RAPH1: variants seen among roughly 807,000 people sequenced by gnomAD.
RAPH1 encodes Ras association (RalGDS/AF-6) and pleckstrin homology domains 1.
Under a neutral mutation model 88.1 loss-of-function variants are expected in RAPH1, and 18 were observed. That is an observed-to-expected ratio of 0.20 (90% CI 0.14 to 0.30). The LOEUF (loss-of-function observed/expected upper bound fraction) is 0.30, where lower values mean the gene tolerates loss of function less well. RAPH1 is among the 10% of genes least tolerant of loss of function. RAPH1 has a pLI of 1.00. For synonymous variants in RAPH1, 587 were observed against 559.0 expected (o/e 1.05, Z -0.71); for missense variants, 1,448 against 1,543.2 (o/e 0.94, Z 1.03).
chr2:203,458,954 G>C (rs1296050593), intron 7 of RAPH1, among the ~76,000 whole-genome samples: 1 of 152,070 alleles, frequency 6.6e-6, no homozygotes, highest in Non-Finnish European at 1.5e-5. Context: ...AGTAGAGACA[G>C]GGTTTCACCG....
At chr2:203,508,757 A>G (rs1383614530) in intron 1 of RAPH1, among the ~76,000 whole-genome samples, 1 of 152,212 alleles carries the variant, frequency 6.6e-6, no homozygotes, top group Non-Finnish European at 1.5e-5. Flanking sequence ...AGCTATAATT[A>G]GGAAAACAGT....
intron 13 of RAPH1, 42 bp downstream of exon 13, chr2:203,444,826 A>C: frequency 6.3e-7 from 1 of 1,593,726 alleles, no homozygotes; most frequent in Non-Finnish European, 8.6e-7. Flanking sequence ...ACCCAAAAGA[A>C]TACCACAGAA....
At chr2:203,449,441 C>T (rs2098512901) in intron 10 of RAPH1, among the ~76,000 whole-genome samples, 1 of 152,204 alleles carries the variant, frequency 6.6e-6, no homozygotes, top group Non-Finnish European at 1.5e-5. Flanking sequence ...TAGATGTCAA[C>T]AGCATCTTCA....
chr2:203,477,298 A>G, intron 4 of RAPH1: 1 of 644,016 alleles, frequency 1.6e-6, no homozygotes, highest in Non-Finnish European at 2.8e-6. Flanking sequence ...GTTGCATGCA[A>G]TTACCTTTCA....
At chr2:203,510,912 A>C (rs1267041688) in intron 1 of RAPH1, among the ~76,000 whole-genome samples, 2 of 152,160 alleles carry the variant, frequency 1.3e-5, no homozygotes, top group Non-Finnish European at 2.9e-5. Flanking sequence ...ATAAATTTAA[A>C]AAAAGAGTAA....
intron 4 of RAPH1, among the ~76,000 whole-genome samples, chr2:203,485,230 C>G (rs1032186614): frequency 6.6e-6 from 1 of 151,940 alleles, no homozygotes; most frequent in South Asian, 2.1e-4. Context: ...ATGGCGAAAC[C>G]CTGTCTCCAC....
chr2:203,492,599 G>C (rs1370806102), intron 2 of RAPH1, among the ~76,000 whole-genome samples: 1 of 151,960 alleles, frequency 6.6e-6, no homozygotes, highest in Admixed American at 6.5e-5. Context: ...CTAGAGCAAG[G>C]AAAAAAGATA....
In RAPH1 at chr2:203,434,607, A is replaced by G. The variant is rs1335368235; in HGVS notation, c.*4830T>C. Reference sequence around the variant, plus strand: ...AGTAGGAGGTGGGGAAATAATATGAAAAACGGCAGTTTTTGGTATTAGGTT... The same window carrying G: ...AGTAGGAGGTGGGGAAATAATATGAGAAACGGCAGTTTTTGGTATTAGGTT... On this transcript the variant is annotated 3_prime_UTR_variant, in exon 14 of 14. Coordinates refer to ENST00000319170, the MANE Select transcript of RAPH1 (RefSeq NM_213589.3). 6.6e-6 allele frequency: 1 copy of G among 152,556 alleles called. No homozygotes were observed. The highest frequency in any genetic ancestry group is 1.5e-5 in the Non-Finnish European group (1 of 68,012). 9.5% of individuals were successfully genotyped at this position (152,556 alleles called of 1,614,324 possible).
chr2:203,453,472 A>T (rs2098516452), intron 10 of RAPH1, among the ~76,000 whole-genome samples: 1 of 139,720 alleles, frequency 7.2e-6, no homozygotes, highest in Non-Finnish European at 1.5e-5. Flanking sequence ...CTGGAGCCTG[A>T]GAAGTCGAGG....
rs2098502363 is a variant in RAPH1, at chr2:203,440,345, TAGG to T, written c.2842_2844del (p.Pro948del). 6.2e-7 allele frequency: 1 copy of T among 1,608,724 alleles called. No individual in the cohort carries two copies. Among genetic ancestry groups the T allele is most frequent in the Non-Finnish European group, 8.5e-7 (1 of 1,177,566 alleles). Reference sequence around the variant, plus strand: ...CCTGGAGATCCACTTTTGTCAGGGGTAGGAGAAGCTGTGGGTGGAGGTGGTGGT... The same window carrying T: ...CCTGGAGATCCACTTTTGTCAGGGGTAGAAGCTGTGGGTGGAGGTGGTGGT... On this transcript the variant is annotated inframe_deletion, in exon 14 of 14. Coordinates refer to ENST00000319170, the MANE Select transcript of RAPH1 (RefSeq NM_213589.3).
intron 1 of RAPH1, among the ~76,000 whole-genome samples, chr2:203,506,824 ATATATATCTATATCTATATATCTATC>A (rs1559494605): frequency 5.1e-5 from 3 of 58,712 alleles, no homozygotes; most frequent in African/African-American, 1.6e-4. Context: ...ATATATCTAT[ATATATATCTATATCTATATATCTATC>A]TATATCTATA....
Position 203,434,365 on chromosome 2 carries a change from A to AG in RAPH1, c.*5071dup, listed in dbSNP as rs1365592089. The AG allele has an allele frequency of 6.6e-6, 1 of 152,574 alleles. No individual in the cohort carries two copies. Among genetic ancestry groups the AG allele is most frequent in the Non-Finnish European group, 1.5e-5 (1 of 68,026 alleles). The allele number at this position is 152,574 out of a possible 1,614,324, so 9.5% of individuals were successfully genotyped here. ...CTCTTGTTTTTTAAAGAACTGAGGG[A>AG]GGGAGCAATCCCAGTTAAATATAAT... On this transcript the variant is annotated 3_prime_UTR_variant, in exon 14 of 14. Transcript: ENST00000319170.
intron 4 of RAPH1, among the ~76,000 whole-genome samples, chr2:203,476,890 T>C (rs1687479998): frequency 6.6e-6 from 1 of 152,242 alleles, no homozygotes; most frequent in African/African-American, 2.4e-5. Flanking sequence ...TACATAATCA[T>C]ACCAGGAGTA....
chr2:203,524,879 T>TA (rs536272465), intron 1 of RAPH1, among the ~76,000 whole-genome samples: 27 of 152,234 alleles, frequency 1.8e-4, no homozygotes, highest in Admixed American at 5.2e-4. Flanking sequence ...AGTAAGGCAA[T>TA]AAAAAATTTT....
chr2:203,522,455 A>C (rs958420329), intron 1 of RAPH1, among the ~76,000 whole-genome samples: 1 of 152,250 alleles, frequency 6.6e-6, no homozygotes, highest in Non-Finnish European at 1.5e-5. Context: ...ATAGATTAGA[A>C]GATGCAATAT....
chr2:203,498,514 G>T (rs1018234435), intron 1 of RAPH1, among the ~76,000 whole-genome samples: 1 of 152,166 alleles, frequency 6.6e-6, no homozygotes, highest in African/African-American at 2.4e-5. Context: ...ATCAGAAAGG[G>T]TGGCAAGCTC....
intron 4 of RAPH1, among the ~76,000 whole-genome samples, chr2:203,474,742 T>C (rs2098535899): frequency 6.6e-6 from 1 of 152,242 alleles, no homozygotes; most frequent in Non-Finnish European, 1.5e-5. Context: ...ATTAAATTAG[T>C]GAAAACATGA....
At chr2:203,466,559 C>G (rs1379408909) in intron 4 of RAPH1, among the ~76,000 whole-genome samples, 1 of 152,194 alleles carries the variant, frequency 6.6e-6, no homozygotes, top group Non-Finnish European at 1.5e-5. Flanking sequence ...AAGTTTAATA[C>G]AAAAGACAAA....
At position 203,439,660 on chromosome 2, in the gene RAPH1, G is replaced by A; in HGVS notation, c.3530C>T (p.Ser1177Phe). 1 of 1,614,100 alleles carries A rather than the reference G, an allele frequency of 6.2e-7. No homozygotes were observed. The highest frequency in any genetic ancestry group is 8.5e-7 in the Non-Finnish European group (1 of 1,180,012). The change falls in exon 14 of 14, where the codon TCC (serine) becomes TTC (phenylalanine). Residue 1177 changes from serine to phenylalanine, a missense_variant. Ser to Phe is a radical substitution (Grantham distance 155). Transcript: ENST00000319170. ...ADLNRTLQRK[S>F]ITRHGSLSSR... Reference sequence around the variant, plus strand: ...GGAGAGTGAGCCGTGCCGAGTGATGGACTTTCGTTGCAGTGTCCTGTTGAG... The same window carrying A: ...GGAGAGTGAGCCGTGCCGAGTGATGAACTTTCGTTGCAGTGTCCTGTTGAG...
Sources: gnomAD v4.1 joint callset for allele counts (sites outside exome capture counted in the v4.1 genomes callset) on GRCh38, gnomAD v4.1.1 for gene constraint, MANE v1.5 for transcripts, NCBI Gene and HGNC (gene_info 2026-07-23, HGNC 2026-07-21) for gene names.